Variants in NELL1 observed in about 807,000 individuals in gnomAD.
The protein encoded by NELL1 is neural EGFL like 1.
In NELL1, 76 loss-of-function variants were observed where a neutral mutation model predicts 107.4. The observed-to-expected ratio is 0.71, with a 90% CI of 0.59 to 0.86. NELL1 has a LOEUF of 0.86. NELL1 is among the 40% of genes least tolerant of loss of function. The pLI is 0.00. For missense variants in NELL1, 1,024 were observed against 1,005.5 expected (o/e 1.02, Z -0.25); for synonymous variants, 353 against 341.2 (o/e 1.03, Z -0.38).
intron 12 of NELL1, among the ~76,000 whole-genome samples, chr11:20,972,045 G>A (rs1023326761): frequency 1.7e-4 from 25 of 149,026 alleles, no homozygotes; most frequent in African/African-American, 5.4e-4. Context: ...TGGGGGGCAA[G>A]GGGAGGGAGA....
intron 15 of NELL1, among the ~76,000 whole-genome samples, chr11:21,532,597 A>G (rs1363944094): frequency 6.6e-6 from 1 of 152,192 alleles, no homozygotes; most frequent in Non-Finnish European, 1.5e-5. Context: ...AACCATGGCT[A>G]TTACCTAAAG....
At chr11:21,135,500 A>C (rs982107097) in intron 13 of NELL1, among the ~76,000 whole-genome samples, 1 of 152,136 alleles carries the variant, frequency 6.6e-6, no homozygotes, top group Non-Finnish European at 1.5e-5. Flanking sequence ...CCAACTTTGG[A>C]ACCAAAGAGA....
intron 12 of NELL1, among the ~76,000 whole-genome samples, chr11:21,100,526 T>A (rs1854778600): frequency 6.6e-6 from 1 of 152,212 alleles, no homozygotes; most frequent in Non-Finnish European, 1.5e-5. Flanking sequence ...AACCACAATA[T>A]GGAAAACAGC....
chr11:21,029,734 G>A (rs1852906525), intron 12 of NELL1, among the ~76,000 whole-genome samples: 1 of 152,106 alleles, frequency 6.6e-6, no homozygotes, highest in Admixed American at 6.6e-5. Flanking sequence ...ACAGGAGAGG[G>A]GTTGAATAAA....
rs148692335 is a variant in NELL1 at position 21,540,987 on chromosome 11, G to A, written c.1786+6473G>A. ...TCCCCTCTTATTTGTCTTCATAGCC[G>A]TTTATTTGCCATTCTTTTATAGACT... On this transcript the variant is annotated intron_variant, in intron 16 of 19. Coordinates refer to ENST00000357134, the MANE Select transcript of NELL1 (RefSeq NM_006157.5). Among the ~76,000 whole-genome samples, 125 of 152,130 alleles carry A rather than the reference G, an allele frequency of 8.2e-4. 2 individuals are homozygous for A. The East Asian group carries it at 0.013, about 16-fold the overall frequency.
intron 15 of NELL1, among the ~76,000 whole-genome samples, chr11:21,483,884 C>CACATAT (rs565409195): frequency 3.4e-5 from 4 of 118,858 alleles, no homozygotes; most frequent in African/African-American, 1.3e-4. Flanking sequence ...CACACACACA[C>CACATAT]ATATATATAT....
intron 8 of NELL1, 67 bp from the exon 9 acceptor site, chr11:20,928,310 T>G: frequency 8.9e-5 from 123 of 1,382,378 alleles, no homozygotes; most frequent in Middle Eastern, 3.5e-4. Flanking sequence ...GAGATTTCAA[T>G]GATCTCCACA....
At chr11:21,212,673 C>T (rs1857524497) in intron 13 of NELL1, among the ~76,000 whole-genome samples, 1 of 152,136 alleles carries the variant, frequency 6.6e-6, no homozygotes. Context: ...CTCCCAAATC[C>T]ATTGTTAGTG....
At chr11:21,089,805 G>A (rs1854480632) in intron 12 of NELL1, among the ~76,000 whole-genome samples, 1 of 152,144 alleles carries the variant, frequency 6.6e-6, no homozygotes, top group African/African-American at 2.4e-5. Flanking sequence ...GATGGCTAGG[G>A]AGCAAGCTAG....
intron 13 of NELL1, among the ~76,000 whole-genome samples, chr11:21,191,388 A>T (rs1049668653): frequency 1.3e-5 from 2 of 151,812 alleles, no homozygotes; most frequent in African/African-American, 4.9e-5. Context: ...CAGCCTCTAG[A>T]AGCTGGAGAA....
intron 15 of NELL1, among the ~76,000 whole-genome samples, chr11:21,512,212 C>A (rs1457041441): frequency 6.6e-6 from 1 of 152,164 alleles, no homozygotes; most frequent in Non-Finnish European, 1.5e-5. Context: ...GGCCCATTGT[C>A]TTTCCTGAAG....
intron 3 of NELL1, among the ~76,000 whole-genome samples, chr11:20,825,213 T>C (rs2134029482): frequency 6.6e-6 from 1 of 151,444 alleles, no homozygotes; most frequent in South Asian, 2.1e-4. Flanking sequence ...AAAACTCTCA[T>C]AGAGAACCTC....
intron 5 of NELL1, among the ~76,000 whole-genome samples, chr11:20,896,828 T>A (rs1849749680): frequency 1.3e-5 from 2 of 151,966 alleles, no homozygotes; most frequent in Admixed American, 1.3e-4. Flanking sequence ...TCAAAGAGAA[T>A]AAAATACCTA....
chr11:21,190,155 C>T (rs1366991172), intron 13 of NELL1, among the ~76,000 whole-genome samples: 1 of 151,638 alleles, frequency 6.6e-6, no homozygotes, highest in Non-Finnish European at 1.5e-5. Flanking sequence ...GAGTTTGAGA[C>T]CAGCCTGACC....
At chr11:21,114,705 G>A (rs1347764146) in intron 13 of NELL1, among the ~76,000 whole-genome samples, 3 of 151,822 alleles carry the variant, frequency 2.0e-5, no homozygotes, top group Non-Finnish European at 4.4e-5. Context: ...ATTGACACAG[G>A]TTTCTGAGGA....
intron 2 of NELL1, among the ~76,000 whole-genome samples, chr11:20,751,023 ATGTG>A (rs1554913197): frequency 1.4e-5 from 2 of 142,410 alleles, no homozygotes; most frequent in South Asian, 2.1e-4. Context: ...TTATTTGTCT[ATGTG>A]TGTGTGTGTG....
intron 17 of NELL1, among the ~76,000 whole-genome samples, chr11:21,565,168 T>C (rs1380298470): frequency 6.6e-6 from 1 of 151,938 alleles, no homozygotes; most frequent in African/African-American, 2.4e-5. Context: ...TGTGGTGGTT[T>C]TGATGGTTGG....
intron 3 of NELL1, among the ~76,000 whole-genome samples, chr11:20,805,453 A>G (rs1033376851): frequency 1.3e-5 from 2 of 151,166 alleles, no homozygotes; most frequent in Non-Finnish European, 3.0e-5. Flanking sequence ...CTTGCTTTTA[A>G]TTTTTTGTGT....
chr11:21,409,334 A>G (rs1007714761), intron 15 of NELL1, among the ~76,000 whole-genome samples: 13 of 152,090 alleles, frequency 8.5e-5, no homozygotes, highest in Admixed American at 7.2e-4. Context: ...CACAATGACA[A>G]AAAACCAAAC....
Sources: gnomAD v4.1 joint callset for allele counts (sites outside exome capture counted in the v4.1 genomes callset) on GRCh38, gnomAD v4.1.1 for gene constraint, MANE v1.5 for transcripts, NCBI Gene and HGNC (gene_info 2026-07-23, HGNC 2026-07-21) for gene names.